Variants in CARMIL1 observed in about 807,000 individuals in gnomAD.
CARMIL1 encodes F-actin-uncapping protein LRRC16A.
CARMIL1 carries 90 observed loss-of-function variants against 177.1 expected under a neutral mutation model. The observed-to-expected ratio is 0.51, with a 90% confidence interval of 0.43 to 0.61. CARMIL1 has a LOEUF of 0.61. Ranked by LOEUF, CARMIL1 falls within the 20% of genes least tolerant of loss-of-function variation. CARMIL1 has a pLI of 0.00. For synonymous variants in CARMIL1, 577 were observed against 606.2 expected, an observed-to-expected ratio of 0.95 and a Z score of 0.71; for missense variants, 1,380 against 1,667.0, an observed-to-expected ratio of 0.83 and a Z score of 3.00.
chr6:25,502,266 A>G (rs1804457492), intron 17 of CARMIL1, among the ~76,000 whole-genome samples: 1 of 150,766 alleles, frequency 6.6e-6, no homozygotes, highest in South Asian at 2.1e-4. Context: ...AAAAAAAACA[A>G]AAAAAAAACA....
chr6:25,505,844 T>G (rs1747568), intron 17 of CARMIL1, among the ~76,000 whole-genome samples: 66,420 of 152,054 alleles, frequency 0.44, 14,883 homozygotes, highest in Middle Eastern at 0.52. Context: ...TTCTTCAAAC[T>G]TAGTCTCCTT....
At chr6:25,498,024 C>T (rs571880808) in intron 16 of CARMIL1, among the ~76,000 whole-genome samples, 1 of 152,140 alleles carries the variant, frequency 6.6e-6, no homozygotes, top group Non-Finnish European at 1.5e-5. Flanking sequence ...CCCAAGGATG[C>T]TCTTTGCTCC....
At chr6:25,537,308 T>TA (rs1456124446) in intron 24 of CARMIL1, among the ~76,000 whole-genome samples, 2 of 152,202 alleles carry the variant, frequency 1.3e-5, no homozygotes, top group Non-Finnish European at 2.9e-5. Flanking sequence ...CAAAGAAAAA[T>TA]ACTTGATGTA....
chr6:25,459,472 G>A (rs1799953408), intron 8 of CARMIL1, among the ~76,000 whole-genome samples: 2 of 151,620 alleles, frequency 1.3e-5, no homozygotes, highest in East Asian at 2.0e-4. Flanking sequence ...AGCTGGTCAT[G>A]AACTCCTGGG....
At chr6:25,339,029 C>T (rs1786601723) in intron 2 of CARMIL1, among the ~76,000 whole-genome samples, 1 of 102,854 alleles carries the variant, frequency 9.7e-6, no homozygotes, top group South Asian at 3.4e-4. Flanking sequence ...ATTTCCTTTT[C>T]ATGATTTTTT....
chr6:25,296,455 T>C (rs954910214), intron 2 of CARMIL1, among the ~76,000 whole-genome samples: 1 of 152,192 alleles, frequency 6.6e-6, no homozygotes, highest in Admixed American at 6.5e-5. Context: ...AGGATGATAT[T>C]CCTCAGGGAC....
chr6:25,523,333 G>T (rs1481519344), intron 23 of CARMIL1, among the ~76,000 whole-genome samples: 1 of 152,052 alleles, frequency 6.6e-6, no homozygotes, highest in Non-Finnish European at 1.5e-5. Flanking sequence ...CTGACAATAT[G>T]TAATTCTTAC....
intron 2 of CARMIL1, among the ~76,000 whole-genome samples, chr6:25,323,635 A>G (rs1784853448): frequency 6.6e-6 from 1 of 152,140 alleles, no homozygotes; most frequent in Non-Finnish European, 1.5e-5. Context: ...GAATTTATAA[A>G]TGGTTGCAAA....
intron 8 of CARMIL1, among the ~76,000 whole-genome samples, chr6:25,451,413 G>A (rs916715193): frequency 1.3e-5 from 2 of 152,174 alleles, no homozygotes; most frequent in Non-Finnish European, 2.9e-5. Flanking sequence ...CAGAGTTTAT[G>A]AATTGGGCAT....
At chr6:25,608,724 T>C (rs1257790372) in intron 35 of CARMIL1, among the ~76,000 whole-genome samples, 3 of 152,226 alleles carry the variant, frequency 2.0e-5, no homozygotes, top group African/African-American at 7.2e-5. Flanking sequence ...GATAGTGTTA[T>C]CTTCACATGT....
intron 2 of CARMIL1, among the ~76,000 whole-genome samples, chr6:25,334,037 G>T (rs1212254827): frequency 1.3e-5 from 2 of 152,218 alleles, no homozygotes; most frequent in African/African-American, 4.8e-5. Context: ...GTATGTGTGT[G>T]CAGGACAACA....
chr6:25,310,151 G>A (rs886426637), intron 2 of CARMIL1, among the ~76,000 whole-genome samples: 4 of 152,026 alleles, frequency 2.6e-5, no homozygotes, highest in African/African-American at 9.7e-5. Flanking sequence ...TCTTATGAGC[G>A]TGCATACAAG....
intron 21 of CARMIL1, among the ~76,000 whole-genome samples, chr6:25,517,145 G>A (rs301375): frequency 0.41 from 62,777 of 152,042 alleles, 13,317 homozygotes; most frequent in Middle Eastern, 0.51. Context: ...TACTACTTGC[G>A]TGGTAAATGT....
chr6:25,284,460 G>A (rs1581439654), intron 1 of CARMIL1, among the ~76,000 whole-genome samples: 1 of 152,120 alleles, frequency 6.6e-6, no homozygotes, highest in Admixed American at 6.5e-5. Context: ...CTGTAATCCC[G>A]GCACTTTGGG....
At chr6:25,488,787 A>T (rs554846306) in intron 13 of CARMIL1, among the ~76,000 whole-genome samples, 44 of 151,206 alleles carry the variant, frequency 2.9e-4, no homozygotes, top group African/African-American at 9.5e-4. Flanking sequence ...CACCACAATT[A>T]TTTTTTTTTC....
chr6:25,585,753 A>C (rs1421569054), intron 31 of CARMIL1, among the ~76,000 whole-genome samples: 2 of 152,056 alleles, frequency 1.3e-5, no homozygotes, highest in Non-Finnish European at 2.9e-5. Context: ...GATGACTCTT[A>C]AGGAGCATGC....
chr6:25,410,572 C>A (rs1193483324), intron 2 of CARMIL1, among the ~76,000 whole-genome samples: 1 of 147,494 alleles, frequency 6.8e-6, no homozygotes, highest in African/African-American at 2.5e-5. Flanking sequence ...TTGAGTAATT[C>A]TGTGTGGTCT....
In CARMIL1 at chr6:25,554,186, T is replaced by C; in HGVS notation, c.2592+90T>C. 1.1e-6 allele frequency: 1 copy of C among 917,592 alleles called. No homozygotes were observed. The highest frequency in any genetic ancestry group is 1.4e-5 in the South Asian group (1 of 70,646). 56.8% of individuals were successfully genotyped at this position (917,592 alleles called of 1,614,324 possible). On this transcript the variant is annotated intron_variant, in intron 28 of 36. Coordinates refer to ENST00000329474, the MANE Select transcript of CARMIL1 (RefSeq NM_017640.6). This position sits in a 1 kb window ranked among gnomAD's most constrained non-coding sequence, Gnocchi z 4.6. The stretch of plus-strand genomic sequence containing the variant: ...TCCGGTGTGGGGATGTGATTTCTTT[T>C]CTGTATTTCACACTATTACAGCTTT...
intron 2 of CARMIL1, among the ~76,000 whole-genome samples, chr6:25,343,172 T>A (rs2150330992): frequency 6.6e-6 from 1 of 152,324 alleles, no homozygotes; most frequent in Middle Eastern, 3.4e-3. Flanking sequence ...TTTCATGCAC[T>A]CTCCTGGAGT....
Sources: allele counts gnomAD v4.1 joint callset (sites outside exome capture counted in the v4.1 genomes callset), GRCh38; gene constraint gnomAD v4.1.1; non-coding constraint Gnocchi (gnomAD v3.1); transcripts MANE v1.5; gene names NCBI Gene and HGNC (gene_info 2026-07-23, HGNC 2026-07-21).